The following FSTL4 variants were observed in gnomAD, a reference collection of about 807,000 sequenced individuals.
FSTL4 encodes follistatin like 4.
In FSTL4, 28 loss-of-function variants were observed where a neutral mutation model predicts 78.2. The ratio of observed to expected loss-of-function variants is 0.36; its 90% CI spans 0.27 to 0.49. FSTL4 has a LOEUF of 0.49. Ranked by LOEUF, FSTL4 falls within the 20% of genes least tolerant of loss-of-function variation. The pLI is 0.98. For synonymous variants in FSTL4, 422 were observed against 440.5 expected (o/e 0.96, Z 0.53); for missense variants, 922 against 1,084.9 (o/e 0.85, Z 2.11).
chr5:133,479,775 G>C (rs1036969873), intron 3 of FSTL4, among the ~76,000 whole-genome samples: 17 of 152,166 alleles, frequency 1.1e-4, no homozygotes, highest in Non-Finnish European at 2.2e-4. Context: ...ACTAATTTTA[G>C]AAAATTCTGC....
the FSTL4 span, among the ~76,000 whole-genome samples, chr5:133,695,748 G>A: frequency 6.6e-6 from 1 of 152,220 alleles, no homozygotes; most frequent in African/African-American, 2.4e-5. Context: ...AGCCAGGACA[G>A]CTAGAGACCA....
intron 4 of FSTL4, among the ~76,000 whole-genome samples, chr5:133,386,585 A>G (rs753536047): frequency 5.4e-4 from 82 of 152,222 alleles, no homozygotes; most frequent in Admixed American, 2.9e-3. Flanking sequence ...TGAGAACCAC[A>G]AAAGTTTTTA....
At chr5:133,783,660 ATGG>A in the FSTL4 span, among the ~76,000 whole-genome samples, 1 of 152,202 alleles carries the variant, frequency 6.6e-6, no homozygotes, top group South Asian at 2.1e-4. Flanking sequence ...AGCTCACAAA[ATGG>A]CTGAGCCAGC....
chr5:133,235,852 A>G (rs577698647), intron 7 of FSTL4, among the ~76,000 whole-genome samples: 1 of 152,340 alleles, frequency 6.6e-6, no homozygotes, highest in South Asian at 2.1e-4. Flanking sequence ...TGAAAAGTTA[A>G]TGACTAGTCA....
chr5:133,434,422 T>C (rs531648512), intron 3 of FSTL4, among the ~76,000 whole-genome samples: 1 of 152,216 alleles, frequency 6.6e-6, no homozygotes, highest in Non-Finnish European at 1.5e-5. Flanking sequence ...AACTTAACAT[T>C]CTTTTTGTGA....
chr5:133,781,486 C>A, the FSTL4 span, among the ~76,000 whole-genome samples: 1 of 151,758 alleles, frequency 6.6e-6, no homozygotes, highest in Non-Finnish European at 1.5e-5. Flanking sequence ...TGTGGACAAG[C>A]AGATGAGCTG....
chr5:133,265,045 C>T (rs1435120559), intron 6 of FSTL4, among the ~76,000 whole-genome samples: 1 of 152,238 alleles, frequency 6.6e-6, no homozygotes, highest in Non-Finnish European at 1.5e-5. Context: ...TCTTCATCCC[C>T]TCTGTGCTGC....
chr5:133,259,178 T>TG (rs1752453618), intron 6 of FSTL4, among the ~76,000 whole-genome samples: 1 of 125,608 alleles, frequency 8.0e-6, no homozygotes, highest in African/African-American at 3.3e-5. Flanking sequence ...AAGGTGTGTG[T>TG]GTGGGGGGTG....
intron 3 of FSTL4, among the ~76,000 whole-genome samples, chr5:133,548,380 G>A: frequency 6.6e-6 from 1 of 152,032 alleles, no homozygotes; most frequent in African/African-American, 2.4e-5. Flanking sequence ...AACTCCAGGG[G>A]GTTAGTGGCA....
the FSTL4 span, among the ~76,000 whole-genome samples, chr5:133,689,298 G>T: frequency 6.6e-6 from 1 of 152,094 alleles, no homozygotes; most frequent in Admixed American, 6.5e-5. Flanking sequence ...CCTGGGGCAT[G>T]GTACCCTACT....
At chr5:133,792,955 A>G in the FSTL4 span, among the ~76,000 whole-genome samples, 1 of 152,256 alleles carries the variant, frequency 6.6e-6, no homozygotes, top group East Asian at 1.9e-4. Context: ...AAGGGCGTTC[A>G]GAATCTCCCC....
chr5:133,701,250 A>C, the FSTL4 span, among the ~76,000 whole-genome samples: 1 of 151,674 alleles, frequency 6.6e-6, no homozygotes, highest in East Asian at 1.9e-4. Flanking sequence ...TAAAAATACA[A>C]AAATTAGCCA....
intron 3 of FSTL4, among the ~76,000 whole-genome samples, chr5:133,466,971 TGTGTATGAGTGTGAATGTATATGTGACA>T: frequency 7.6e-6 from 1 of 131,020 alleles, no homozygotes; most frequent in East Asian, 2.0e-4. Flanking sequence ...TGTGTGTGTA[TGTGTATGAGTGTGAATGTATATGTGACA>T]GTGTATGAGT....
the FSTL4 span, among the ~76,000 whole-genome samples, chr5:133,693,748 A>G: frequency 6.6e-6 from 1 of 152,344 alleles, no homozygotes; most frequent in Admixed American, 6.5e-5. Context: ...TCCAAGATCA[A>G]GGGGCTGCAT....
chr5:133,603,709 C>T, intron 2 of FSTL4, 149 bp downstream of exon 2: 1 of 848,634 alleles, frequency 1.2e-6, no homozygotes, highest in Non-Finnish European at 1.9e-6. Flanking sequence ...ACACAGGTTG[C>T]CTTCTTCTGT....
chr5:133,510,284 G>A (rs557252050), intron 3 of FSTL4, among the ~76,000 whole-genome samples: 68 of 152,312 alleles, frequency 4.5e-4, no homozygotes, highest in Admixed American at 1.2e-3. Flanking sequence ...CTACACAGTG[G>A]TTCTGGGCAA....
At chr5:133,774,299 A>G in the FSTL4 span, among the ~76,000 whole-genome samples, 3 of 152,166 alleles carry the variant, frequency 2.0e-5, no homozygotes, top group Admixed American at 2.0e-4. Flanking sequence ...TCTTAGGCTA[A>G]GGTAGCGATT....
intron 4 of FSTL4, among the ~76,000 whole-genome samples, chr5:133,335,265 T>C (rs1457405559): frequency 6.6e-6 from 1 of 152,148 alleles, no homozygotes; most frequent in African/African-American, 2.4e-5. Context: ...AGGGCCAATG[T>C]GTAAGGCCTG....
chr5:133,590,183 C>A (rs1261531175), intron 2 of FSTL4, among the ~76,000 whole-genome samples: 3 of 151,880 alleles, frequency 2.0e-5, no homozygotes, highest in Non-Finnish European at 2.9e-5. Context: ...GCATGATCTT[C>A]CTCTTTATTC....
Sources: allele counts gnomAD v4.1 joint callset (sites outside exome capture counted in the v4.1 genomes callset), GRCh38; gene constraint gnomAD v4.1.1; transcripts MANE v1.5; gene names NCBI Gene and HGNC (gene_info 2026-07-23, HGNC 2026-07-21).